GFRA2: variants seen among roughly 807,000 people sequenced by gnomAD.
GFRA2 encodes GDNF family receptor alpha 2.
In GFRA2, 17 loss-of-function variants were observed where a neutral mutation model predicts 48.3. That is an observed-to-expected ratio of 0.35 (90% CI 0.24 to 0.53). The LOEUF is 0.53. Ranked by LOEUF, GFRA2 falls within the 20% of genes least tolerant of loss-of-function variation. The pLI is 0.93. For missense variants in GFRA2, 660 were observed against 637.3 expected (o/e 1.04, Z -0.38); for synonymous variants, 305 against 257.2 (o/e 1.19, Z -1.78).
rs777299955 is a variant in GFRA2 at position 21,788,379 on chromosome 8, C to T, written c.-220G>A. The T allele has an allele frequency of 2.3e-3, 3,084 of 1,341,014 alleles. 4 individuals are homozygous for T. The highest frequency in any genetic ancestry group is 5.5e-3 in the Admixed American group (148 of 27,128). 83.1% of individuals were successfully genotyped at this position (1,341,014 alleles called of 1,614,324 possible). On this transcript the variant is annotated 5_prime_UTR_variant, in exon 1 of 9. Transcript: ENST00000524240. The stretch of plus-strand genomic sequence containing the variant: ...CGGGCGATGGGCTGCTGCCTCTCGA[C>T]GCCCCCCTTGCCCGCTACAATCAAA...
chr8:21,751,221 A>C (rs542536281), intron 3 of GFRA2, among the ~76,000 whole-genome samples: 1 of 152,320 alleles, frequency 6.6e-6, no homozygotes, highest in East Asian at 1.9e-4. Context: ...TAGTGGACTT[A>C]AAATTCATCA....
At chr8:21,751,002 C>T (rs1735174769) in intron 3 of GFRA2, 60 bp from the exon 4 acceptor site, 1 of 1,118,492 alleles carries the variant, frequency 8.9e-7, no homozygotes, top group African/African-American at 1.5e-5. Flanking sequence ...GACACAGCTG[C>T]CCCCTCACTG....
Position 21,692,553 on chromosome 8 carries a change from C to G in GFRA2, c.*725G>C, listed in dbSNP as rs1801925383. 6.6e-6 allele frequency: 1 copy of G among 152,168 alleles called. No individual in the cohort carries two copies. The highest frequency in any genetic ancestry group is 2.4e-5 in the African/African-American group (1 of 41,420). 9.4% of individuals were successfully genotyped at this position (152,168 alleles called of 1,614,324 possible). ...TCTGCCACCGAGAAAGAAGCTGGTG[C>G]CCAAGTTTTAATGCCTCGCCACAAG... On this transcript the variant is annotated 3_prime_UTR_variant, in exon 9 of 9. Transcript: ENST00000524240.
intron 3 of GFRA2, among the ~76,000 whole-genome samples, chr8:21,768,664 C>A (rs768409701): frequency 6.6e-6 from 1 of 152,156 alleles, no homozygotes. Context: ...AATCCTCCCA[C>A]AGCCCCCACC....
At chr8:21,710,014 G>A (rs913042236) in intron 4 of GFRA2, among the ~76,000 whole-genome samples, 7 of 152,220 alleles carry the variant, frequency 4.6e-5, no homozygotes, top group Non-Finnish European at 8.8e-5. Flanking sequence ...GAAACAGAAG[G>A]TGAAAGCATC....
At chr8:21,735,927 C>A (rs1392025154) in intron 4 of GFRA2, among the ~76,000 whole-genome samples, 1 of 152,186 alleles carries the variant, frequency 6.6e-6, no homozygotes, top group Non-Finnish European at 1.5e-5. Context: ...TGTTTGGATT[C>A]CAGGTGTAAG....
At chr8:21,710,443 C>T (rs890674194) in intron 4 of GFRA2, among the ~76,000 whole-genome samples, 1 of 152,238 alleles carries the variant, frequency 6.6e-6, no homozygotes, top group African/African-American at 2.4e-5. Context: ...CGGTCCCACA[C>T]AGGGCAAGTG....
intron 2 of GFRA2, chr8:21,779,692 C>G (rs1185572499): frequency 6.6e-6 from 1 of 152,214 alleles, no homozygotes; most frequent in African/African-American, 2.4e-5. Flanking sequence ...TTCTAGGAAT[C>G]CAGGTTGCTA....
Position 21,744,948 on chromosome 8 carries a change from G to A in GFRA2, c.794+5640C>T, listed in dbSNP as rs552694809. On this transcript the variant is annotated intron_variant, in intron 4 of 8. Coordinates refer to ENST00000524240, the MANE Select transcript of GFRA2 (RefSeq NM_001495.5). ...TCCACTCCCAGAGGCTCCATCCTCA[G>A]CCACTGACCCCAAACTGCTCTGAGT... Among the ~76,000 whole-genome samples, 4 of 152,284 alleles carry A rather than the reference G, an allele frequency of 2.6e-5. 1 individual carries two copies. The East Asian group carries it at 7.7e-4, about 29-fold the overall frequency.
At chr8:21,792,802 T>C (rs1460942781), upstream of GFRA2, among the ~76,000 whole-genome samples, 7 of 152,318 alleles carry the variant, frequency 4.6e-5, no homozygotes, top group South Asian at 2.1e-4. Flanking sequence ...TGGTGGCTCA[T>C]GCCTATAATC....
intron 3 of GFRA2, among the ~76,000 whole-genome samples, chr8:21,756,790 C>T (rs755536047): frequency 1.3e-5 from 2 of 152,176 alleles, no homozygotes; most frequent in Non-Finnish European, 2.9e-5. Context: ...CTCCCTGCCC[C>T]GATCCCCTGC....
At position 21,704,992 on chromosome 8, in the gene GFRA2, T is replaced by A; in HGVS notation, c.1038A>T (p.Pro346=). 1 of 1,610,152 alleles carries A rather than the reference T, an allele frequency of 6.2e-7. No homozygotes were observed. Among genetic ancestry groups the A allele is most frequent in the Non-Finnish European group, 8.5e-7 (1 of 1,178,760 alleles). Residue 346 remains proline (P), a synonymous_variant, in exon 6 of 9, where the codon CCA becomes CCT. Transcript: ENST00000524240. ...EKFLRDFTEN[P]CLRNAIQAFG... ...AGAACATCCAGAACTTACGGAGGCA[T>A]GGGTTCTCGGTGAAGTCCCTGAGGA... is the stretch of plus-strand genomic sequence containing the variant.
In GFRA2 at chr8:21,731,372, CAG is replaced by C. The variant is rs549201304; in HGVS notation, c.794+19214_794+19215del. ...GTGGCCACGTCATTTAGCAAAGAAA[CAG>C]AGGAATCTTGGGAGGTCCATCATCC... On this transcript the variant is annotated intron_variant, in intron 4 of 8. Transcript: ENST00000524240. Among the ~76,000 whole-genome samples the C allele has an allele frequency of 5.9e-5, 9 of 152,300 alleles. No homozygotes were observed. The East Asian group carries it at 1.7e-3, about 29-fold the overall frequency.
chr8:21,729,835 AG>A (rs1035537483), intron 4 of GFRA2, among the ~76,000 whole-genome samples: 1 of 152,188 alleles, frequency 6.6e-6, no homozygotes, highest in African/African-American at 2.4e-5. Context: ...ATGAGAATTA[AG>A]GGACCACATC....
chr8:21,729,600 G>A (rs1411887316), intron 4 of GFRA2, among the ~76,000 whole-genome samples: 1 of 152,156 alleles, frequency 6.6e-6, no homozygotes, highest in Admixed American at 6.5e-5. Context: ...CCTTACAGAA[G>A]GAGCACCTAC....
chr8:21,775,643 GC>G (rs1806654419), intron 2 of GFRA2, among the ~76,000 whole-genome samples: 1 of 152,102 alleles, frequency 6.6e-6, no homozygotes, highest in South Asian at 2.1e-4. Flanking sequence ...TTTCCTCTTT[GC>G]CCCCCATCGT....
intron 1 of GFRA2, chr8:21,783,210 C>T (rs1197333958): frequency 1.9e-6 from 1 of 522,926 alleles, no homozygotes; most frequent in Non-Finnish European, 3.6e-6. Context: ...CGTCAGGAGC[C>T]CAGAGGAGAA....
intron 4 of GFRA2, among the ~76,000 whole-genome samples, chr8:21,745,853 G>A (rs574922982): frequency 1.3e-5 from 2 of 152,308 alleles, no homozygotes; most frequent in East Asian, 3.9e-4. Flanking sequence ...CTGGTGAGAA[G>A]GGCCCTTCAA....
intron 2 of GFRA2, among the ~76,000 whole-genome samples, chr8:21,781,653 G>T (rs987039075): frequency 7.0e-6 from 1 of 143,244 alleles, no homozygotes; most frequent in Admixed American, 7.2e-5. Context: ...TTATTTATCC[G>T]CACCTCCCCA....
Sources: allele counts gnomAD v4.1 joint callset (sites outside exome capture counted in the v4.1 genomes callset), GRCh38; gene constraint gnomAD v4.1.1; transcripts MANE v1.5; gene names NCBI Gene and HGNC (gene_info 2026-07-23, HGNC 2026-07-21).